HTRA3: variants seen among roughly 807,000 people sequenced by gnomAD.
HTRA3 encodes serine protease HTRA3.
HTRA3 carries 41 observed loss-of-function variants against 43.2 expected under a neutral mutation model. That is an observed-to-expected ratio of 0.95 (90% CI 0.74 to 1.23). HTRA3 has a LOEUF of 1.23. Among genes scored for constraint, HTRA3 ranks in the 50% most tolerant of loss-of-function variants. The pLI, the probability that HTRA3 is intolerant of heterozygous loss-of-function variation, is 0.00. For synonymous variants in HTRA3, 295 were observed against 287.9 expected (o/e 1.02, Z -0.25); for missense variants, 628 against 647.1 (o/e 0.97, Z 0.32).
rs984180130 is a variant in HTRA3, at chr4:8,307,041, C to T, written c.*905C>T. 6.5e-6 allele frequency: 1 copy of T among 152,702 alleles called. No individual in the cohort carries two copies. Among genetic ancestry groups the T allele is most frequent in the Non-Finnish European group, 1.5e-5 (1 of 68,074 alleles). 9.5% of individuals were successfully genotyped at this position (152,702 alleles called of 1,614,324 possible). ...GTGAGCTTTGCTGTAAATGGATTCCCAGTGTTGCTTGTACTGTATGTTTCT... is the reference window on the plus strand; with the variant it reads ...GTGAGCTTTGCTGTAAATGGATTCCTAGTGTTGCTTGTACTGTATGTTTCT... On this transcript the variant is annotated 3_prime_UTR_variant, in exon 9 of 9. Coordinates refer to ENST00000307358, the MANE Select transcript of HTRA3 (RefSeq NM_053044.5). The surrounding 1 kb of genome is among the most constrained non-coding windows in gnomAD (Gnocchi z 6.1).
intron 2 of HTRA3, among the ~76,000 whole-genome samples, chr4:8,283,467 G>T: frequency 6.6e-6 from 1 of 152,216 alleles, no homozygotes; most frequent in Middle Eastern, 3.2e-3. Flanking sequence ...CTCCCGCTGT[G>T]CAAGCTGCCC....
At chr4:8,302,375 G>A (rs1397975447) in intron 6 of HTRA3, 88 bp from the exon 7 acceptor site, 18 of 1,242,240 alleles carry the variant, frequency 1.4e-5, no homozygotes, top group Non-Finnish European at 2.1e-5. Flanking sequence ...GTCCTGCAGG[G>A]GAACTTCTGT....
chr4:8,269,924 C>T lies in HTRA3; in HGVS notation c.-45C>T. Reference sequence around the variant, plus strand: ...AGCGGCCTCGTTGTCCCCGCCGGCCCCCGCCCGGTCTCCCGCGCTGCCACC... The same window carrying T: ...AGCGGCCTCGTTGTCCCCGCCGGCCTCCGCCCGGTCTCCCGCGCTGCCACC... On this transcript the variant is annotated 5_prime_UTR_variant, in exon 1 of 9. Transcript: ENST00000307358. The T allele has an allele frequency of 1.0e-6, 1 of 963,130 alleles. No individual in the cohort carries two copies. The highest frequency in any genetic ancestry group is 1.2e-6 in the Non-Finnish European group (1 of 801,536). The allele number at this position is 963,130 out of a possible 1,614,324, so 59.7% of individuals were successfully genotyped here. A position where few individuals can be genotyped will look rare whatever the true frequency, so the allele number is the denominator to read the frequency against.
At chr4:8,280,106 G>T (rs990006475) in intron 1 of HTRA3, among the ~76,000 whole-genome samples, 1 of 152,200 alleles carries the variant, frequency 6.6e-6, no homozygotes, top group Admixed American at 6.5e-5. Context: ...GGTCGTGCAG[G>T]GGGAGGTGTA....
intron 1 of HTRA3, among the ~76,000 whole-genome samples, chr4:8,271,796 C>T (rs1712288560): frequency 1.3e-5 from 2 of 152,182 alleles, no homozygotes; most frequent in African/African-American, 2.4e-5. Context: ...AGGAGGAACC[C>T]TTGTGACCTC....
chr4:8,273,989 C>G, intron 1 of HTRA3, among the ~76,000 whole-genome samples: 1 of 149,380 alleles, frequency 6.7e-6, no homozygotes, highest in Non-Finnish European at 1.5e-5. Flanking sequence ...CTCTGACTTC[C>G]CCCTCCATCC....
At chr4:8,277,206 G>C (rs531570150) in intron 1 of HTRA3, among the ~76,000 whole-genome samples, 2 of 152,204 alleles carry the variant, frequency 1.3e-5, no homozygotes, top group African/African-American at 4.8e-5. Flanking sequence ...GCTCGGTGGG[G>C]CAAAGTTCAC....
chr4:8,288,434 G>A (rs533513429), intron 3 of HTRA3, among the ~76,000 whole-genome samples: 1 of 151,758 alleles, frequency 6.6e-6, no homozygotes, highest in South Asian at 2.1e-4. Flanking sequence ...CCACCACACT[G>A]GCCAATTTTT....
chr4:8,300,999 C>T (rs1366301291), intron 6 of HTRA3, among the ~76,000 whole-genome samples: 1 of 151,404 alleles, frequency 6.6e-6, no homozygotes, highest in African/African-American at 2.4e-5. Flanking sequence ...TTGATTCACA[C>T]TCATCTTTAT....
chr4:8,298,257 C>G (rs1013772295), intron 6 of HTRA3, among the ~76,000 whole-genome samples: 5 of 152,214 alleles, frequency 3.3e-5, no homozygotes, highest in Admixed American at 6.5e-5. Context: ...TCAGGCCTCC[C>G]GGCCAGCTCT....
intron 3 of HTRA3, among the ~76,000 whole-genome samples, chr4:8,289,713 G>A (rs893246513): frequency 6.6e-6 from 1 of 152,206 alleles, no homozygotes; most frequent in Non-Finnish European, 1.5e-5. Flanking sequence ...CCATGGGAAA[G>A]GCTCCTGACC....
At chr4:8,303,532 G>A (rs186625496) in intron 7 of HTRA3, among the ~76,000 whole-genome samples, 9 of 152,332 alleles carry the variant, frequency 5.9e-5, no homozygotes, top group Admixed American at 5.2e-4. Context: ...GGAAGAACTC[G>A]AGAATGCTCA....
chr4:8,291,902 C>T (rs1395354414), intron 4 of HTRA3, among the ~76,000 whole-genome samples: 3 of 152,214 alleles, frequency 2.0e-5, no homozygotes, highest in Non-Finnish European at 4.4e-5. Flanking sequence ...GTTGGTGGCA[C>T]GTTTAGCATT....
At chr4:8,300,582 T>A (rs538572331) in intron 6 of HTRA3, among the ~76,000 whole-genome samples, 1 of 152,240 alleles carries the variant, frequency 6.6e-6, no homozygotes, top group Non-Finnish European at 1.5e-5. Flanking sequence ...TGATGTCACC[T>A]CTGTAATTTG....
chr4:8,301,213 TATTG>T (rs1713642299), intron 6 of HTRA3, among the ~76,000 whole-genome samples: 2 of 151,706 alleles, frequency 1.3e-5, no homozygotes, highest in South Asian at 2.1e-4. Context: ...TCAGCTTTAT[TATTG>T]ATTCACAGAC....
At chr4:8,271,101 T>G (rs1712252581) in intron 1 of HTRA3, among the ~76,000 whole-genome samples, 1 of 152,132 alleles carries the variant, frequency 6.6e-6, no homozygotes, top group Non-Finnish European at 1.5e-5. Flanking sequence ...GGGTCCTGCG[T>G]GCCATCAGCT....
chr4:8,287,841 G>A (rs1449772108), intron 3 of HTRA3, among the ~76,000 whole-genome samples: 1 of 152,186 alleles, frequency 6.6e-6, no homozygotes. Context: ...GGGCTGGCCC[G>A]CTCAGCTAGG....
At chr4:8,273,651 C>T (rs1029962425) in intron 1 of HTRA3, among the ~76,000 whole-genome samples, 4 of 152,024 alleles carry the variant, frequency 2.6e-5, no homozygotes, top group African/African-American at 9.7e-5. Context: ...CCTGCTGAGC[C>T]GCCTCGGGCT....
chr4:8,292,631 G>A (rs1023782162), intron 5 of HTRA3, among the ~76,000 whole-genome samples: 6 of 152,210 alleles, frequency 3.9e-5, no homozygotes, highest in Non-Finnish European at 8.8e-5. Flanking sequence ...CAAGGGAGAC[G>A]CAGGTGTGGG....
Sources: allele counts gnomAD v4.1 joint callset (sites outside exome capture counted in the v4.1 genomes callset), GRCh38; gene constraint gnomAD v4.1.1; non-coding constraint Gnocchi (gnomAD v3.1); transcripts MANE v1.5; gene names NCBI Gene and HGNC (gene_info 2026-07-23, HGNC 2026-07-21).